SRRM2: variants seen among roughly 807,000 people sequenced by gnomAD.
SRRM2 encodes the protein serine/arginine repetitive matrix 2, also known as serine/arginine repetitive matrix protein 2.
SRRM2 carries 30 observed loss-of-function variants against 213.8 expected under a neutral mutation model. That is an observed-to-expected ratio of 0.14 (90% CI 0.10 to 0.19). The LOEUF is 0.19. SRRM2 is among the 10% of genes least tolerant of loss of function. The pLI, the probability that SRRM2 is intolerant of heterozygous loss-of-function variation, is 1.00. For missense variants in SRRM2, 4,904 were observed against 3,647.0 expected, an observed-to-expected ratio of 1.34 and a Z score of -8.88; for synonymous variants, 2,025 against 1,377.7, an observed-to-expected ratio of 1.47 and a Z score of -10.40.
At chr16:2,757,678 G>T in intron 3 of SRRM2, 99 bp downstream of exon 3, 1 of 1,579,888 alleles carries the variant, frequency 6.3e-7, no homozygotes, top group Admixed American at 1.8e-5. Flanking sequence ...CCCTGCTTTC[G>T]TCTGCCTTTC....
At position 2,766,403 on chromosome 16, in the gene SRRM2, A is replaced by G. The variant is rs921459370; in HGVS notation, c.5875A>G (p.Arg1959Gly). 3 of 1,613,814 alleles carry G rather than the reference A, an allele frequency of 1.9e-6. No homozygotes were observed. Among genetic ancestry groups the G allele is most frequent in the African/African-American group, 2.7e-5 (2 of 74,830 alleles). ...TCCACCAGTGACTCGCAGAAGGTCC[A>G]GATCCAGGACTCCACCAGTAACCAG... ...RTPPVTRRRSRSRTPPVTRRR... is the reference protein window; with the variant it reads ...RTPPVTRRRSGSRTPPVTRRR... The change falls in exon 11 of 15, where the codon AGA becomes GGA. Residue 1959 changes from arginine (R) to glycine (G), a missense_variant. Physicochemically the swap from Arg to Gly is moderately radical, Grantham distance 125 (BLOSUM62 -2). Coordinates refer to ENST00000301740, the MANE Select transcript of SRRM2 (RefSeq NM_016333.4). The surrounding 1 kb of genome is among the most constrained non-coding windows in gnomAD (Gnocchi z 7.0).
rs1176605429 is a variant in SRRM2 at position 2,757,888 on chromosome 16, C to T, written c.458C>T (p.Pro153Leu). 1.9e-6 allele frequency: 3 copies of T among 1,614,080 alleles called. No homozygotes were observed. Among genetic ancestry groups the T allele is most frequent in the South Asian group, 2.2e-5 (2 of 91,084 alleles). Residue 153 changes from proline (P) to leucine (L), a missense_variant, in exon 4 of 15, where the codon CCT becomes CTT. By Grantham distance (98) the Pro-to-Leu change is moderately conservative. Coordinates refer to ENST00000301740, the MANE Select transcript of SRRM2 (RefSeq NM_016333.4). ...TACGTAGATGGCAGCTCTTTTGATCCTCAGCGTCGTGCCCGAGAAGCTAAA... is the reference window on the plus strand; with the variant it reads ...TACGTAGATGGCAGCTCTTTTGATCTTCAGCGTCGTGCCCGAGAAGCTAAA... ...DSYVDGSSFD[P>L]QRRAREAKQP...
Position 2,763,359 on chromosome 16 carries a change from GAAC to G in SRRM2, c.2835_2837del (p.Thr946del). On this transcript the variant is annotated inframe_deletion, in exon 11 of 15. Coordinates refer to ENST00000301740, the MANE Select transcript of SRRM2 (RefSeq NM_016333.4). ...CCAAGTCCTAGTAGGGTGACGTCGA[GAAC>G]AACTCCACGGCGAAGCAGATCAGTA... 1.9e-6 allele frequency: 3 copies of G among 1,614,178 alleles called. No homozygotes were observed. Among genetic ancestry groups the G allele is most frequent in the Non-Finnish European group, 2.5e-6 (3 of 1,180,038 alleles).
In SRRM2 at chr16:2,770,982, C is replaced by A; in HGVS notation, c.*115C>A. ...TCTGCTCTCCTTTGAACCTTGGCAG[C>A]CCTTGGATGGAGGGCTCCCTTTCCC... On this transcript the variant is annotated 3_prime_UTR_variant, in exon 15 of 15. Coordinates refer to ENST00000301740, the MANE Select transcript of SRRM2 (RefSeq NM_016333.4). 1.5e-6 allele frequency: 2 copies of A among 1,338,980 alleles called. No homozygotes were observed. Among genetic ancestry groups the A allele is most frequent in the Non-Finnish European group, 2.1e-6 (2 of 967,698 alleles). 82.9% of individuals were successfully genotyped at this position (1,338,980 alleles called of 1,614,324 possible).
rs1326546374 is a variant in SRRM2 at position 2,762,442 on chromosome 16, A to C, written c.1914A>C (p.Arg638Ser). The C allele has an allele frequency of 1.9e-6, 3 of 1,613,890 alleles. No individual in the cohort carries two copies. Among genetic ancestry groups the C allele is most frequent in the Non-Finnish European group, 1.7e-6 (2 of 1,179,976 alleles). The change falls in exon 11 of 15, where the codon AGA becomes AGC. Residue 638 changes from arginine to serine, a missense_variant. Physicochemically the swap from Arg to Ser is moderately radical, Grantham distance 110. Transcript: ENST00000301740. ...RSPVRRRSRS[R>S]SPARRSGRSR... ...CAGTACGACGCAGGTCTCGTAGTAG[A>C]TCACCAGCCAGGAGAAGTGGCAGGT...
At chr16:2,752,998 C>T (rs1442738841) in intron 1 of SRRM2, 152 bp downstream of exon 1, 7 of 153,168 alleles carry the variant, frequency 4.6e-5, no homozygotes, top group Admixed American at 6.6e-5. Context: ...CCTCGCCTCC[C>T]TTCCCCCTTC....
intron 9 of SRRM2, chr16:2,760,060 A>T (rs2068284519): frequency 1.0e-5 from 6 of 572,658 alleles, no homozygotes; most frequent in South Asian, 1.0e-4. Flanking sequence ...TGGTTTGGGG[A>T]TGTTTGGGGG....
rs1487391496 is a variant in SRRM2, at chr16:2,767,837, C to G, written c.7309C>G (p.Gln2437Glu). ...PSSRMGQAPS[Q>E]SLLPPAQDQP... ...CTCTAGAATGGGCCAGGCTCCTTCACAGTCTCTTCTCCCTCCAGCACAGGA... is the reference window on the plus strand; with the variant it reads ...CTCTAGAATGGGCCAGGCTCCTTCAGAGTCTCTTCTCCCTCCAGCACAGGA... Residue 2437 changes from glutamine (Q) to glutamate (E), a missense_variant, in exon 11 of 15, where the codon CAG becomes GAG. Transcript: ENST00000301740. 2.5e-6 allele frequency: 4 copies of G among 1,614,094 alleles called. No individual in the cohort carries two copies. Among genetic ancestry groups the G allele is most frequent in the South Asian group, 2.2e-5 (2 of 91,080 alleles).
chr16:2,757,356 A>C, intron 2 of SRRM2, 116 bp from the exon 3 acceptor site: 2 of 785,770 alleles, frequency 2.5e-6, no homozygotes. Context: ...GGGTGAGCGA[A>C]AAGTTCTGTG....
At chr16:2,769,365 C>T (rs997145379) in intron 12 of SRRM2, 81 bp downstream of exon 12, 93 of 1,466,124 alleles carry the variant, frequency 6.3e-5, no homozygotes, top group East Asian at 1.8e-4. Flanking sequence ...GTGAGCTCCC[C>T]GCTGGGTGTC....
Position 2,767,824 on chromosome 16 carries a change from C to T in SRRM2, c.7296C>T (p.Gly2432=), listed in dbSNP as rs1365525854. The T allele has an allele frequency of 1.2e-6, 2 of 1,613,896 alleles. No individual in the cohort carries two copies. The highest frequency in any genetic ancestry group is 2.7e-5 in the African/African-American group (2 of 74,854). Residue 2432 remains glycine, a synonymous_variant, in exon 11 of 15, where the codon GGC becomes GGT. Coordinates refer to ENST00000301740, the MANE Select transcript of SRRM2 (RefSeq NM_016333.4). ...CTCCCTCCCCTTCCTCTAGAATGGG[C>T]CAGGCTCCTTCACAGTCTCTTCTCC... The part of the protein sequence containing the change: ...ERAPSPSSRM[G]QAPSQSLLPP...
intron 1 of SRRM2, among the ~76,000 whole-genome samples, chr16:2,754,405 T>C (rs374324292): frequency 7.2e-5 from 11 of 152,146 alleles, no homozygotes; most frequent in African/African-American, 2.7e-4. Flanking sequence ...GCGATTCTCC[T>C]GCTTCAGCCT....
In SRRM2 at chr16:2,762,911, A is replaced by T. The variant is rs369466610; in HGVS notation, c.2383A>T (p.Arg795Trp). The T allele has an allele frequency of 6.2e-7, 1 of 1,612,780 alleles. No homozygotes were observed. The highest frequency in any genetic ancestry group is 2.2e-5 in the East Asian group (1 of 44,886). ...TAAACAAAAGTCACAGACACCACCC[A>T]GGCGCAGTCGCTCTGGATCCTCCCA... is the stretch of plus-strand genomic sequence containing the variant. ...CPKQKSQTPP[R>W]RSRSGSSQPK... Residue 795 changes from arginine (R) to tryptophan (W), a missense_variant, in exon 11 of 15, where the codon AGG (arginine) becomes TGG (tryptophan). Transcript: ENST00000301740.
In SRRM2 at chr16:2,759,297, G is replaced by C. The variant is rs114827582; in HGVS notation, c.690-55G>C. 8.4e-4 allele frequency: 1,356 copies of C among 1,609,370 alleles called. 11 individuals are homozygous for C. In the African/African-American group the frequency reaches 0.016, roughly 18 times the overall value. Reference sequence around the variant, plus strand: ...ACTCCCTCTTTCCATTTCACTTTTGGTTTTATTTCCTTTTTTAAAGAAGTT... The same window carrying C: ...ACTCCCTCTTTCCATTTCACTTTTGCTTTTATTTCCTTTTTTAAAGAAGTT... On this transcript the variant is annotated intron_variant, in intron 7 of 14. Transcript: ENST00000301740.
In SRRM2 at chr16:2,766,961, C is replaced by T; in HGVS notation, c.6433C>T (p.Pro2145Ser). 1.9e-6 allele frequency: 3 copies of T among 1,614,146 alleles called. No individual in the cohort carries two copies. Among genetic ancestry groups the T allele is most frequent in the Non-Finnish European group, 2.5e-6 (3 of 1,180,032 alleles). ...MLEPLGSSRT[P>S]MSVLQQAGGS... is the part of the protein sequence containing the mutation. ...TGAACCCCTTGGCAGCTCTAGAACA[C>T]CCATGTCTGTCCTGCAGCAAGCCGG... is the stretch of plus-strand genomic sequence containing the variant. Residue 2145 changes from proline to serine, a missense_variant, in exon 11 of 15, where the codon CCC becomes TCC. Transcript: ENST00000301740. The surrounding 1 kb of genome is among the most constrained non-coding windows in gnomAD (Gnocchi z 7.0).
Position 2,759,064 on chromosome 16 carries a change from C to G in SRRM2, c.656+17C>G, listed in dbSNP as rs745568958. On this transcript the variant is annotated intron_variant, in intron 6 of 14. Transcript: ENST00000301740. ...GAAGCACAGGTATGAGGTGGGAATA[C>G]TTGAATGACTGGAGAAGGTTTGCTG... 1.9e-6 allele frequency: 3 copies of G among 1,614,194 alleles called. No homozygotes were observed. The South Asian group carries it at 3.3e-5, about 18-fold the overall frequency.
chr16:2,768,761 T>A, intron 11 of SRRM2: 1 of 784,818 alleles, frequency 1.3e-6, no homozygotes, highest in South Asian at 1.5e-5. Flanking sequence ...TCAGGGACAT[T>A]CTTGAGGTTT....
rs1262617545 is a variant in SRRM2, at chr16:2,764,085, A to G, written c.3557A>G (p.Lys1186Arg). Residue 1186 changes from lysine to arginine, a missense_variant, in exon 11 of 15, where the codon AAA becomes AGA. By Grantham distance (26) the Lys-to-Arg change is conservative. Coordinates refer to ENST00000301740, the MANE Select transcript of SRRM2 (RefSeq NM_016333.4). ...ATASPPRQKD[K>R]FSPFPVQDRP... The stretch of plus-strand genomic sequence containing the variant: ...GCATCACCTCCTAGACAGAAAGACA[A>G]ATTTAGTCCCTTTCCAGTACAGGAT... The G allele has an allele frequency of 1.3e-5, 21 of 1,614,134 alleles. No homozygotes were observed. The highest frequency in any genetic ancestry group is 2.2e-5 in the South Asian group (2 of 91,082).
intron 12 of SRRM2, chr16:2,769,943 CT>C (rs2068683194): frequency 4.5e-6 from 2 of 442,440 alleles, no homozygotes; most frequent in Admixed American, 5.1e-5. Flanking sequence ...CCTTGTCCGC[CT>C]GGTGAACTCC....
Sources: allele counts gnomAD v4.1 joint callset (sites outside exome capture counted in the v4.1 genomes callset), GRCh38; gene constraint gnomAD v4.1.1; non-coding constraint Gnocchi (gnomAD v3.1); transcripts MANE v1.5; gene names NCBI Gene and HGNC (gene_info 2026-07-23, HGNC 2026-07-21).